Variants in TMEM163 observed in about 807,000 individuals in gnomAD.
TMEM163 encodes the protein transmembrane protein 163.
Under a neutral mutation model 29.3 loss-of-function variants are expected in TMEM163, and 17 were observed. The ratio of observed to expected loss-of-function variants is 0.58; its 90% confidence interval spans 0.40 to 0.87. TMEM163 has a LOEUF of 0.87. TMEM163 is among the 40% of genes least tolerant of loss of function. The probability of loss-of-function intolerance (pLI) is 0.00; values close to 1 mark genes in which losing one functional copy is unlikely to be tolerated. For synonymous variants in TMEM163, 157 were observed against 160.6 expected, an observed-to-expected ratio of 0.98 and a Z score of 0.17; for missense variants, 303 against 381.5, an observed-to-expected ratio of 0.79 and a Z score of 1.71.
At chr2:134,584,303 G>A (rs776289994) in intron 2 of TMEM163, among the ~76,000 whole-genome samples, 2 of 152,204 alleles carry the variant, frequency 1.3e-5, no homozygotes, top group Non-Finnish European at 2.9e-5. Context: ...AGAGACGGCT[G>A]CATCAGGGAA....
intron 2 of TMEM163, among the ~76,000 whole-genome samples, chr2:134,656,233 T>C (rs1322958048): frequency 1.3e-5 from 2 of 149,662 alleles, no homozygotes; most frequent in Non-Finnish European, 2.9e-5. Context: ...GAGCCAGGTG[T>C]GGGATATAAT....
chr2:134,592,425 T>C, intron 2 of TMEM163, among the ~76,000 whole-genome samples: 1 of 152,324 alleles, frequency 6.6e-6, no homozygotes, highest in Middle Eastern at 3.4e-3. Context: ...TGGGTTAAAA[T>C]ATTTTTTTTC....
At chr2:134,650,071 T>C (rs12691869) in intron 2 of TMEM163, among the ~76,000 whole-genome samples, 70,176 of 148,404 alleles carry the variant, frequency 0.47, 17,521 homozygotes, top group Non-Finnish European at 0.56. Flanking sequence ...ATGTCCATGA[T>C]ATACAATTGA....
At chr2:134,558,968 G>A (rs1681108560) in intron 2 of TMEM163, among the ~76,000 whole-genome samples, 1 of 152,212 alleles carries the variant, frequency 6.6e-6, no homozygotes, top group African/African-American at 2.4e-5. Context: ...CTCAAATGGA[G>A]AACCATCTTT....
At chr2:134,708,867 A>C (rs915677769) in intron 2 of TMEM163, among the ~76,000 whole-genome samples, 1 of 152,026 alleles carries the variant, frequency 6.6e-6, no homozygotes, top group Non-Finnish European at 1.5e-5. Flanking sequence ...GATTACAAGC[A>C]TGAGCCATCG....
chr2:134,571,999 A>C (rs1681441771), intron 2 of TMEM163, among the ~76,000 whole-genome samples: 1 of 152,302 alleles, frequency 6.6e-6, no homozygotes, highest in South Asian at 2.1e-4. Flanking sequence ...ATAGGGAACT[A>C]CTTACTAGCT....
chr2:134,587,531 T>G (rs1465383342), intron 2 of TMEM163, among the ~76,000 whole-genome samples: 2 of 152,120 alleles, frequency 1.3e-5, no homozygotes, highest in Non-Finnish European at 2.9e-5. Context: ...GTGCCTGTCT[T>G]CCTGCACGTC....
rs139961822 is a variant in TMEM163, at chr2:134,533,360, T to TGTGTGTGTGTGTAC, written c.458+17209_458+17210insGTACACACACACAC. On this transcript the variant is annotated intron_variant, in intron 4 of 7. Transcript: ENST00000281924. ...TTACACCTAGTTGTGTGTTTGTGTG[T>TGTGTGTGTGTGTAC]GTGCACGTGCACACGTGTAAAGCAT... Among the ~76,000 whole-genome samples, 469 of 152,358 alleles carry TGTGTGTGTGTGTAC rather than the reference T, an allele frequency of 3.1e-3. 4 individuals carry two copies. The highest frequency in any genetic ancestry group is 0.011 in the African/African-American group (448 of 41,578).
intron 2 of TMEM163, among the ~76,000 whole-genome samples, chr2:134,637,737 G>A (rs1191012063): frequency 1.3e-5 from 2 of 152,112 alleles, no homozygotes; most frequent in African/African-American, 4.8e-5. Flanking sequence ...CAAAAACTGG[G>A]TAAATAATTC....
At chr2:134,706,170 T>A (rs984438472) in intron 2 of TMEM163, among the ~76,000 whole-genome samples, 1 of 152,156 alleles carries the variant, frequency 6.6e-6, no homozygotes, top group Non-Finnish European at 1.5e-5. Flanking sequence ...AATAGAAGCC[T>A]GGATGCTTCA....
At chr2:134,485,283 A>G (rs1171217712) in intron 5 of TMEM163, among the ~76,000 whole-genome samples, 1 of 152,224 alleles carries the variant, frequency 6.6e-6, no homozygotes, top group Non-Finnish European at 1.5e-5. Context: ...AGTATGGAAT[A>G]TCTCATGTAA....
At chr2:134,693,733 T>C (rs376046836) in intron 2 of TMEM163, among the ~76,000 whole-genome samples, 1 of 152,014 alleles carries the variant, frequency 6.6e-6, no homozygotes, top group East Asian at 1.9e-4. Flanking sequence ...AGATAGCAGG[T>C]CTACTATATT....
At chr2:134,461,963 A>C (rs1686550195) in intron 6 of TMEM163, among the ~76,000 whole-genome samples, 1 of 152,240 alleles carries the variant, frequency 6.6e-6, no homozygotes, top group African/African-American at 2.4e-5. Flanking sequence ...CAGAGAAGAT[A>C]ATTATAGATC....
chr2:134,488,800 A>T (rs1291238422), intron 5 of TMEM163, among the ~76,000 whole-genome samples: 3 of 152,226 alleles, frequency 2.0e-5, no homozygotes, highest in Non-Finnish European at 4.4e-5. Context: ...ATAACAATAG[A>T]TAAATGGGCA....
At chr2:134,466,363 T>A (rs1686669442) in intron 5 of TMEM163, 138 bp from the exon 6 acceptor site, 5 of 644,584 alleles carry the variant, frequency 7.8e-6, no homozygotes, top group Non-Finnish European at 8.4e-6. Context: ...GTATACTGCA[T>A]GCTTTCACAC....
At chr2:134,595,091 ATTTTT>A (rs1316250214) in intron 2 of TMEM163, among the ~76,000 whole-genome samples, 1 of 151,290 alleles carries the variant, frequency 6.6e-6, no homozygotes, top group African/African-American at 2.4e-5. Context: ...TTTTATTTTT[ATTTTT>A]ATTTATTTTT....
chr2:134,521,850 A>G (rs1173859558), intron 4 of TMEM163, among the ~76,000 whole-genome samples: 1 of 152,086 alleles, frequency 6.6e-6, no homozygotes, highest in Non-Finnish European at 1.5e-5. Flanking sequence ...CACTGGGGAG[A>G]CACTCTGCCT....
chr2:134,656,148 T>TCGCTGC (rs1251095670), intron 2 of TMEM163, among the ~76,000 whole-genome samples: 1 of 144,614 alleles, frequency 6.9e-6, no homozygotes, highest in Non-Finnish European at 1.5e-5. Context: ...TCCCCCAGCC[T>TCGCTGC]CGCTGCCGCC....
chr2:134,547,480 T>A (rs895530923), intron 4 of TMEM163, among the ~76,000 whole-genome samples: 3 of 152,220 alleles, frequency 2.0e-5, no homozygotes, highest in African/African-American at 7.2e-5. Context: ...TTGCATATTT[T>A]CCAATTTCCT....
Sources: gnomAD v4.1 joint callset for allele counts (sites outside exome capture counted in the v4.1 genomes callset) on GRCh38, gnomAD v4.1.1 for gene constraint, MANE v1.5 for transcripts, NCBI Gene and HGNC (gene_info 2026-07-23, HGNC 2026-07-21) for gene names.